GPC6: variants seen among roughly 807,000 people sequenced by gnomAD.
The protein encoded by GPC6 is glypican-6.
In GPC6, 14 loss-of-function variants were observed where a neutral mutation model predicts 55.2. That is an observed-to-expected ratio of 0.25 (90% CI 0.17 to 0.40). GPC6 has a LOEUF of 0.40. Ranked by LOEUF, GPC6 falls within the 10% of genes least tolerant of loss-of-function variation. The pLI is 1.00. For synonymous variants in GPC6, 278 were observed against 259.6 expected, an observed-to-expected ratio of 1.07 and a Z score of -0.68; for missense variants, 641 against 708.5, an observed-to-expected ratio of 0.90 and a Z score of 1.08.
At chr13:93,802,232 AT>A (rs898089887) in intron 2 of GPC6, among the ~76,000 whole-genome samples, 1 of 151,780 alleles carries the variant, frequency 6.6e-6, no homozygotes, top group Non-Finnish European at 1.5e-5. Flanking sequence ...AAATATGGCA[AT>A]TTTTTTCCTG....
chr13:93,261,692 G>T (rs944638517), intron 1 of GPC6, among the ~76,000 whole-genome samples: 3 of 152,068 alleles, frequency 2.0e-5, no homozygotes, highest in African/African-American at 7.2e-5. Context: ...GCTCCCCCAG[G>T]GATGGGTTTA....
At position 93,499,559 on chromosome 13, in the gene GPC6, G is replaced by A. The variant is rs188552068; in HGVS notation, c.161-45704G>A. Among the ~76,000 whole-genome samples, 258 of 152,254 alleles carry A rather than the reference G, an allele frequency of 1.7e-3. 2 individuals carry two copies. The highest frequency in any genetic ancestry group is 6.8e-3 in the Middle Eastern group (2 of 294). ...ACTTCATATGCCAGTCATAGAATAG[G>A]CAATGGCATGGATTATACTGATTAA... is the stretch of plus-strand genomic sequence containing the variant. On this transcript the variant is annotated intron_variant, in intron 1 of 8. Coordinates refer to ENST00000377047, the MANE Select transcript of GPC6 (RefSeq NM_005708.5).
At chr13:94,352,446 T>G (rs1020475511) in intron 6 of GPC6, among the ~76,000 whole-genome samples, 12 of 152,168 alleles carry the variant, frequency 7.9e-5, no homozygotes, top group Non-Finnish European at 1.6e-4. Context: ...CAGTTAACCT[T>G]GGCCATTGGG....
At chr13:94,328,185 C>T (rs911072961) in intron 6 of GPC6, among the ~76,000 whole-genome samples, 11 of 152,152 alleles carry the variant, frequency 7.2e-5, no homozygotes, top group African/African-American at 2.2e-4. Context: ...CAGGGCCACA[C>T]TAAGTCAGCC....
intron 3 of GPC6, among the ~76,000 whole-genome samples, chr13:93,986,602 T>G (rs1881043522): frequency 6.6e-6 from 1 of 152,164 alleles, no homozygotes; most frequent in Non-Finnish European, 1.5e-5. Context: ...ATTATCTACT[T>G]GCATAAACAA....
chr13:93,789,091 A>G (rs151217583), intron 2 of GPC6, among the ~76,000 whole-genome samples: 18 of 151,652 alleles, frequency 1.2e-4, no homozygotes, highest in Non-Finnish European at 2.5e-4. Flanking sequence ...GATAGCATCA[A>G]GGTGTTTGCT....
chr13:93,273,394 C>T (rs1594065795), intron 1 of GPC6, among the ~76,000 whole-genome samples: 1 of 152,156 alleles, frequency 6.6e-6, no homozygotes, highest in African/African-American at 2.4e-5. Context: ...CGCGGTGGCT[C>T]AAGCCTGTAA....
intron 1 of GPC6, among the ~76,000 whole-genome samples, chr13:93,419,337 G>T (rs1876837933): frequency 6.6e-6 from 1 of 151,810 alleles, no homozygotes; most frequent in East Asian, 2.0e-4. Context: ...AGCTTTTTAT[G>T]GCTCAGTTCT....
intron 2 of GPC6, among the ~76,000 whole-genome samples, chr13:93,578,948 A>G (rs995969219): frequency 3.3e-5 from 5 of 152,056 alleles, no homozygotes; most frequent in African/African-American, 1.2e-4. Context: ...TTTACAGCAA[A>G]GTTGATGAAA....
rs11843735 is a variant in GPC6 at position 94,195,039 on chromosome 13, C to G, written c.878-91310C>G. 6.9e-3 allele frequency among the ~76,000 whole-genome samples: 1,054 copies of G among 152,266 alleles called. 12 individuals are homozygous for G. The highest frequency in any genetic ancestry group is 0.024 in the African/African-American group (1,009 of 41,540). ...GAAACAAGGCCTTTGGAACTGAGCA[C>G]TGAAGTTTTATTCTTTTCAAAATAA... On this transcript the variant is annotated intron_variant, in intron 4 of 8. Coordinates refer to ENST00000377047, the MANE Select transcript of GPC6 (RefSeq NM_005708.5).
chr13:94,302,636 G>T (rs1250861267), intron 5 of GPC6, among the ~76,000 whole-genome samples: 1 of 152,186 alleles, frequency 6.6e-6, no homozygotes, highest in East Asian at 1.9e-4. Context: ...CAACGGCAAA[G>T]TACTCCTTTG....
At chr13:93,333,075 C>T (rs1279429090) in intron 1 of GPC6, among the ~76,000 whole-genome samples, 1 of 152,076 alleles carries the variant, frequency 6.6e-6, no homozygotes, top group African/African-American at 2.4e-5. Flanking sequence ...TGTTTTTATG[C>T]CAGTGCCATC....
intron 1 of GPC6, among the ~76,000 whole-genome samples, chr13:93,328,569 G>A (rs553968267): frequency 6.6e-6 from 1 of 151,978 alleles, no homozygotes; most frequent in East Asian, 1.9e-4. Flanking sequence ...CAGCTACTCA[G>A]GAGGCTGAGG....
intron 2 of GPC6, among the ~76,000 whole-genome samples, chr13:93,623,803 ATCT>A (rs1423894253): frequency 1.3e-5 from 2 of 151,906 alleles, no homozygotes; most frequent in South Asian, 4.2e-4. Context: ...AATAGATGAT[ATCT>A]TCTTGTAGTT....
At chr13:94,109,907 A>G (rs1018280058) in intron 4 of GPC6, among the ~76,000 whole-genome samples, 1 of 152,078 alleles carries the variant, frequency 6.6e-6, no homozygotes, top group African/African-American at 2.4e-5. Flanking sequence ...GGCTCCATCA[A>G]CAGACCTTAG....
chr13:94,051,440 C>T (rs1420946512), intron 4 of GPC6, among the ~76,000 whole-genome samples: 2 of 152,170 alleles, frequency 1.3e-5, no homozygotes, highest in African/African-American at 2.4e-5. Context: ...CCACATGCAT[C>T]TAAGGCATAT....
rs1175327400 is a variant in GPC6 at position 93,324,577 on chromosome 13, C to T, written c.160+96961C>T. Among the ~76,000 whole-genome samples the T allele has an allele frequency of 4.0e-5, 4 of 98,976 alleles. No homozygotes were observed. In the Admixed American group the frequency reaches 4.6e-4, roughly 11 times the overall value. 64.9% of individuals were successfully genotyped at this position (98,976 alleles called of 152,430 possible). The stretch of plus-strand genomic sequence containing the variant: ...ATATATGTGTATATATATATACACA[C>T]ACATACATACATATATATATATATA... On this transcript the variant is annotated intron_variant, in intron 1 of 8. Transcript: ENST00000377047.
chr13:93,636,268 A>C (rs184448371), intron 2 of GPC6, among the ~76,000 whole-genome samples: 1 of 152,346 alleles, frequency 6.6e-6, no homozygotes, highest in East Asian at 1.9e-4. Context: ...TGGAGTATTT[A>C]ATCCACCGAT....
intron 3 of GPC6, among the ~76,000 whole-genome samples, chr13:93,893,292 C>T (rs1248202472): frequency 1.3e-5 from 2 of 152,086 alleles, no homozygotes; most frequent in African/African-American, 4.8e-5. Flanking sequence ...CTCCTGACCT[C>T]AGGTGATCCG....
Sources: gnomAD v4.1 joint callset for allele counts (sites outside exome capture counted in the v4.1 genomes callset) on GRCh38, gnomAD v4.1.1 for gene constraint, MANE v1.5 for transcripts, NCBI Gene and HGNC (gene_info 2026-07-23, HGNC 2026-07-21) for gene names.